The following CPNE7 variants were observed in gnomAD, a reference collection of about 807,000 sequenced individuals.
CPNE7 encodes the protein copine-7.
A neutral mutation model predicts 66.5 loss-of-function variants in CPNE7; 78 were observed. The observed-to-expected ratio is 1.17, with a 90% CI of 0.98 to 1.42. The LOEUF is 1.42. Ranked by LOEUF, CPNE7 falls within the 40% of genes most tolerant of loss-of-function variation. CPNE7 has a pLI of 0.00. For synonymous variants in CPNE7, 468 were observed against 336.7 expected (o/e 1.39, Z -4.27); for missense variants, 1,012 against 776.6 (o/e 1.30, Z -3.60).
intron 1 of CPNE7, 113 bp from the exon 2 acceptor site, chr16:89,577,426 G>GT: frequency 4.6e-6 from 5 of 1,086,672 alleles, no homozygotes; most frequent in Non-Finnish European, 6.6e-6. Flanking sequence ...TCTTCCCAGG[G>GT]TATGAGTCCT....
At chr16:89,576,281 T>G (rs911451360) in intron 1 of CPNE7, among the ~76,000 whole-genome samples, 2 of 142,964 alleles carry the variant, frequency 1.4e-5, no homozygotes, top group Admixed American at 6.9e-5. Context: ...CTGGAGGAGG[T>G]GGCGGCGAGC....
intron 13 of CPNE7, among the ~76,000 whole-genome samples, chr16:89,591,849 C>T (rs1197777066): frequency 4.6e-5 from 7 of 151,786 alleles, no homozygotes; most frequent in Admixed American, 6.6e-5. Flanking sequence ...TACAGGCGCC[C>T]GCCACCACTT....
intron 7 of CPNE7, 26 bp downstream of exon 7, chr16:89,585,811 T>C: frequency 5.3e-6 from 2 of 380,226 alleles, no homozygotes; most frequent in South Asian, 3.2e-5. Context: ...TAGGGGGTCC[T>C]CCAGGGAGGG....
At chr16:89,580,514 C>A (rs2058937196) in intron 2 of CPNE7, among the ~76,000 whole-genome samples, 1 of 145,486 alleles carries the variant, frequency 6.9e-6, no homozygotes, top group Non-Finnish European at 1.5e-5. Flanking sequence ...ACATCTCACC[C>A]GTCACACGGA....
chr16:89,589,936 C>A lies in CPNE7; in HGVS notation c.1101C>A (p.Ile367=), dbSNP rs370333659. The part of the protein sequence containing the change: ...RFSALGFGAR[I]PPKYEVSHDF... ...CCGCTTTGGGGTTTGGAGCCCGGAT[C>A]CCTCCCAAGTATGAGGTAGGAGAGC... Residue 367 remains isoleucine (I), a synonymous_variant, in exon 11 of 15, where the codon ATC becomes ATA. Transcript: ENST00000319518. The A allele has an allele frequency of 1.2e-5, 20 of 1,613,576 alleles. No homozygotes were observed. Among genetic ancestry groups the A allele is most frequent in the Admixed American group, 1.2e-4 (7 of 59,998 alleles).
chr16:89,593,519 A>AT lies in CPNE7; in HGVS notation c.1303-1842dup, dbSNP rs369931690. Among the ~76,000 whole-genome samples the AT allele has an allele frequency of 0.021, 3,200 of 151,766 alleles. 503 individuals are homozygous for AT. In the East Asian group the frequency reaches 0.45, roughly 21 times the overall value. ...AGGCGCCCGCCACCACGCCCGGCTAATTTTTTGTATTTTTAGTAGAGACGG... is the reference window on the plus strand; with the variant it reads ...AGGCGCCCGCCACCACGCCCGGCTAATTTTTTTGTATTTTTAGTAGAGACGG... On this transcript the variant is annotated intron_variant, in intron 13 of 14. Coordinates refer to ENST00000319518, the MANE Select transcript of CPNE7 (RefSeq NM_153636.3).
Position 89,596,607 on chromosome 16 carries a change from G to A in CPNE7, c.1663G>A (p.Gly555Ser), listed in dbSNP as rs1567970193. 4 of 1,603,572 alleles carry A rather than the reference G, an allele frequency of 2.5e-6. No homozygotes were observed. The highest frequency in any genetic ancestry group is 2.2e-5 in the East Asian group (1 of 44,788). Residue 555 changes from glycine (G) to serine (S), a missense_variant, in exon 15 of 15, where the codon GGC becomes AGC. Physicochemically the swap from Gly to Ser is moderately conservative, Grantham distance 56. Coordinates refer to ENST00000319518, the MANE Select transcript of CPNE7 (RefSeq NM_153636.3). ...TGTCCCTGCCGGAGAGGCCAGCCCA[G>A]GCTGCACACCGTGAAGATGTGGAGG... is the stretch of plus-strand genomic sequence containing the variant. ...LGVPAGEASP[G>S]CTP
At position 89,577,116 on chromosome 16, in the gene CPNE7, G is replaced by A. The variant is rs78846517; in HGVS notation, c.175-423G>A. Among the ~76,000 whole-genome samples the A allele has an allele frequency of 3.7e-3, 559 of 152,298 alleles. 6 individuals carry two copies. The highest frequency in any genetic ancestry group is 0.013 in the African/African-American group (535 of 41,556). On this transcript the variant is annotated intron_variant, in intron 1 of 14. Coordinates refer to ENST00000319518, the MANE Select transcript of CPNE7 (RefSeq NM_153636.3). ...GTCCTTACGGGGCAGTTGGACCAGG[G>A]AACTGCATGGGATGGGAGAGGCTGG...
At chr16:89,578,099 C>T (rs537191264) in intron 2 of CPNE7, among the ~76,000 whole-genome samples, 7 of 136,954 alleles carry the variant, frequency 5.1e-5, no homozygotes, top group East Asian at 2.1e-4. Flanking sequence ...TAGTCTCGCT[C>T]TGTCACCCAG....
rs1567959990 is a variant in CPNE7, at chr16:89,587,319, CT to C, written c.927+218del. 1.8e-3 allele frequency among the ~76,000 whole-genome samples: 4 copies of C among 2,170 alleles called. 1 individual carries two copies. Among genetic ancestry groups the C allele is most frequent in the African/African-American group, 7.4e-3 (4 of 542 alleles). 1.4% of individuals were successfully genotyped at this position (2,170 alleles called of 152,430 possible). A position where few individuals can be genotyped will look rare whatever the true frequency, so the allele number is the denominator to read the frequency against. On this transcript the variant is annotated intron_variant, in intron 9 of 14. Coordinates refer to ENST00000319518, the MANE Select transcript of CPNE7 (RefSeq NM_153636.3). ...CTGTGGCCCCGCCCATCCCCGCCCC[CT>C]CAGTCCGTGGCCCCGCCCCCGCCCC...
intron 2 of CPNE7, among the ~76,000 whole-genome samples, chr16:89,579,264 C>T (rs529101797): frequency 1.3e-4 from 20 of 152,052 alleles, no homozygotes; most frequent in African/African-American, 4.8e-4. Flanking sequence ...TGCACACCAG[C>T]CCAGGTGACA....
chr16:89,593,826 T>C (rs574158943), intron 13 of CPNE7, among the ~76,000 whole-genome samples: 1 of 152,366 alleles, frequency 6.6e-6, no homozygotes, highest in East Asian at 1.9e-4. Flanking sequence ...GCAGTATTGT[T>C]CCTGGCCCAG....
intron 13 of CPNE7, among the ~76,000 whole-genome samples, chr16:89,592,006 T>A (rs1214087239): frequency 7.7e-6 from 1 of 129,982 alleles, no homozygotes; most frequent in African/African-American, 3.2e-5. Context: ...GCATTCTTTT[T>A]TTTGTTGTTT....
chr16:89,584,937 G>C lies in CPNE7; in HGVS notation c.591+80G>C. ...ACGCATCTCTGGCCACATGGGAGGA[G>C]CTCCCAGCCTCCAACAGGGAGCTGT... On this transcript the variant is annotated intron_variant, in intron 5 of 14. Transcript: ENST00000319518. The surrounding 1 kb of genome is among the most constrained non-coding windows in gnomAD (Gnocchi z 6.0). 3.2e-6 allele frequency: 4 copies of C among 1,261,000 alleles called. No homozygotes were observed. Among genetic ancestry groups the C allele is most frequent in the Non-Finnish European group, 3.4e-6 (3 of 874,056 alleles). The allele number at this position is 1,261,000 out of a possible 1,614,324, so 78.1% of individuals were successfully genotyped here.
At chr16:89,595,753 G>T (rs2059245128) in intron 14 of CPNE7, 150 bp downstream of exon 14, 1 of 779,528 alleles carries the variant, frequency 1.3e-6, no homozygotes, top group Admixed American at 1.8e-5. Flanking sequence ...CCCCAGTCAA[G>T]AGCAGTATCT....
intron 1 of CPNE7, 23 bp downstream of exon 1, chr16:89,576,094 C>G: frequency 1.6e-6 from 2 of 1,244,286 alleles, no homozygotes; most frequent in African/African-American, 1.6e-5. Context: ...CGTGGGAGGC[C>G]GAGAGGCCAC....
chr16:89,585,796 CG>C lies in CPNE7; in HGVS notation c.780+15del, dbSNP rs2059026759. ...TTTGAGGAGGGGCAGGTGAGCAGGA[CG>C]GGGTAGGGGGTCCTCCAGGGAGGGT... On this transcript the variant is annotated intron_variant, in intron 7 of 14. Transcript: ENST00000319518. 1 of 608,406 alleles carries C rather than the reference CG, an allele frequency of 1.6e-6. No individual in the cohort carries two copies. Among genetic ancestry groups the C allele is most frequent in the Admixed American group, 4.2e-5 (1 of 23,830 alleles). The allele number at this position is 608,406 out of a possible 1,614,324, so 37.7% of individuals were successfully genotyped here.
At chr16:89,590,015 A>T in intron 11 of CPNE7, 64 bp downstream of exon 11, 1 of 1,578,938 alleles carries the variant, frequency 6.3e-7, no homozygotes, top group Non-Finnish European at 8.7e-7. Context: ...CAGGCAGAGG[A>T]CGGCCTGGCC....
At chr16:89,578,837 C>T in intron 2 of CPNE7, 1 of 1,597,960 alleles carries the variant, frequency 6.3e-7, no homozygotes, top group South Asian at 1.1e-5. Context: ...GTGATGCTCT[C>T]TGGGTTACGG....
Sources: gnomAD v4.1 joint callset for allele counts (sites outside exome capture counted in the v4.1 genomes callset) on GRCh38, gnomAD v4.1.1 for gene constraint, Gnocchi (gnomAD v3.1) non-coding constraint, MANE v1.5 for transcripts, NCBI Gene and HGNC (gene_info 2026-07-23, HGNC 2026-07-21) for gene names.